Variants in NGEF observed in about 807,000 individuals in gnomAD.
NGEF encodes the protein ephexin-1.
In NGEF, 31 loss-of-function variants were observed where a neutral mutation model predicts 80.9. That is an observed-to-expected ratio of 0.38 (90% CI 0.29 to 0.52). The LOEUF is 0.52. NGEF is among the 20% of genes least tolerant of loss of function. The pLI, the probability that NGEF is intolerant of heterozygous loss-of-function variation, is 0.84. For missense variants in NGEF, 709 were observed against 926.2 expected (o/e 0.77, Z 3.04); for synonymous variants, 371 against 370.2 (o/e 1.00, Z -0.03).
chr2:232,889,539 A>G (rs1039176015), intron 8 of NGEF, among the ~76,000 whole-genome samples: 2 of 152,220 alleles, frequency 1.3e-5, no homozygotes, highest in African/African-American at 4.8e-5. Flanking sequence ...TAAGGTTTTA[A>G]TATATTCATA....
intron 1 of NGEF, among the ~76,000 whole-genome samples, chr2:232,975,866 T>C (rs1031674070): frequency 1.3e-5 from 2 of 152,128 alleles, no homozygotes; most frequent in Non-Finnish European, 2.9e-5. Flanking sequence ...TATGAGCATA[T>C]ACATTTTTCT....
rs1362496589 is a variant in NGEF at position 232,995,065 on chromosome 2, ATGTATAC to A, written c.-75+17996_-75+18002del. ...TATGTATACTGTATATATGTACAGT[ATGTATAC>A]TGTATATGTGTACAGTATGTATATG... On this transcript the variant is annotated intron_variant, in intron 1 of 14. Coordinates refer to ENST00000264051, the MANE Select transcript of NGEF (RefSeq NM_019850.3). Among the ~76,000 whole-genome samples, 3 of 125,246 alleles carry A rather than the reference ATGTATAC, an allele frequency of 2.4e-5. 1 individual carries two copies. The highest frequency in any genetic ancestry group is 1.5e-4 in the Admixed American group (2 of 13,084). 82.2% of individuals were successfully genotyped at this position (125,246 alleles called of 152,430 possible). A position where few individuals can be genotyped will look rare whatever the true frequency, so the allele number is the denominator to read the frequency against.
intron 13 of NGEF, 55 bp from the exon 14 acceptor site, chr2:232,881,305 C>T: frequency 7.1e-7 from 1 of 1,407,976 alleles, no homozygotes; most frequent in South Asian, 1.2e-5. Flanking sequence ...CACCTGCACA[C>T]TCCCACCAAG....
intron 3 of NGEF, among the ~76,000 whole-genome samples, chr2:232,957,718 C>T (rs1388171127): frequency 6.6e-6 from 1 of 152,210 alleles, no homozygotes; most frequent in African/African-American, 2.4e-5. Context: ...ATGCAAGTTT[C>T]TGCACCTGTC....
At chr2:232,943,555 G>C (rs531474891) in intron 3 of NGEF, among the ~76,000 whole-genome samples, 10 of 123,260 alleles carry the variant, frequency 8.1e-5, no homozygotes, top group African/African-American at 2.8e-4. Flanking sequence ...GAGTGCAGTG[G>C]CGCGATCTCG....
At chr2:232,932,165 T>TTTTTC (rs1693227965) in intron 3 of NGEF, among the ~76,000 whole-genome samples, 2 of 142,682 alleles carry the variant, frequency 1.4e-5, no homozygotes, top group Non-Finnish European at 3.0e-5. Context: ...TCACCTTTCT[T>TTTTTC]TTTTTTTTTT....
intron 3 of NGEF, among the ~76,000 whole-genome samples, chr2:232,939,991 C>A (rs1415449373): frequency 7.0e-6 from 1 of 142,120 alleles, no homozygotes; most frequent in Non-Finnish European, 1.6e-5. Flanking sequence ...AGTGGGACTC[C>A]ATCTTAAAAA....
chr2:232,888,544 C>T (rs1477167315), intron 8 of NGEF, among the ~76,000 whole-genome samples: 3 of 96,234 alleles, frequency 3.1e-5, no homozygotes, highest in Non-Finnish European at 6.6e-5. Context: ...CATGCATGCA[C>T]ATACATGCAT....
chr2:232,996,221 G>A (rs189840316), intron 1 of NGEF, among the ~76,000 whole-genome samples: 2 of 152,122 alleles, frequency 1.3e-5, no homozygotes, highest in East Asian at 1.9e-4. Flanking sequence ...CCAGCTACTC[G>A]GGAGGCTGAG....
chr2:232,917,540 G>C (rs562022177), intron 5 of NGEF, among the ~76,000 whole-genome samples: 1 of 151,818 alleles, frequency 6.6e-6, no homozygotes, highest in African/African-American at 2.4e-5. Context: ...TGAGATCTTG[G>C]CTTACTGAAA....
Position 232,955,691 on chromosome 2 carries a change from G to A in NGEF, c.383+14523C>T, listed in dbSNP as rs529876894. Among the ~76,000 whole-genome samples, 64 of 152,186 alleles carry A rather than the reference G, an allele frequency of 4.2e-4. 1 individual carries two copies. In the South Asian group the frequency reaches 0.012, roughly 29 times the overall value. On this transcript the variant is annotated intron_variant, in intron 3 of 14. Transcript: ENST00000264051. ...GTGCCACCACATCTGGCTAATTTTT[G>A]TACTTGTAGTAGAGACGGGGTTTCA...
intron 4 of NGEF, among the ~76,000 whole-genome samples, chr2:232,921,562 C>G (rs917480306): frequency 6.6e-6 from 1 of 152,170 alleles, no homozygotes; most frequent in Non-Finnish European, 1.5e-5. Context: ...AGTGATTCCC[C>G]TGCCTCAGCT....
intron 5 of NGEF, among the ~76,000 whole-genome samples, chr2:232,901,109 G>A (rs752380184): frequency 1.3e-5 from 2 of 152,210 alleles, no homozygotes; most frequent in South Asian, 2.1e-4. Context: ...GGAGAAAGGC[G>A]GAAGCTTTAC....
chr2:232,883,269 G>A, intron 12 of NGEF, 42 bp downstream of exon 12: 1 of 1,544,766 alleles, frequency 6.5e-7, no homozygotes, highest in Non-Finnish European at 8.8e-7. Context: ...ACACAGAAAG[G>A]TGCCACGGGT....
intron 3 of NGEF, 80 bp from the exon 4 acceptor site, chr2:232,927,266 A>T: frequency 6.9e-7 from 1 of 1,442,902 alleles, no homozygotes; most frequent in Non-Finnish European, 9.2e-7. Context: ...GGGCGTGCGC[A>T]CAGGCGGCTG....
In NGEF at chr2:232,892,994, C is replaced by T. The variant is rs1691931447; in HGVS notation, c.1046G>A (p.Cys349Tyr). The T allele has an allele frequency of 6.2e-7, 1 of 1,613,348 alleles. No individual in the cohort carries two copies. The highest frequency in any genetic ancestry group is 1.3e-5 in the African/African-American group (1 of 74,930). The change falls in exon 7 of 15, where the codon TGT becomes TAT. Residue 349 changes from cysteine (C) to tyrosine (Y), a missense_variant. Around this residue, in one of 2 missense-constraint regions of NGEF, gnomAD observed 426 missense variants for 622.9 expected, o/e 0.68. Transcript: ENST00000264051. This position sits in a 1 kb window ranked among gnomAD's most constrained non-coding sequence, Gnocchi z 4.0. Reference protein sequence around the residue: ...MEENIVISDVCDIVYRYAADH... With the variant: ...MEENIVISDVYDIVYRYAADH... Reference sequence around the variant, plus strand: ...GGCCGCATAACGGTACACAATGTCACACACGTCAGAGATGACGATGTTCTC... The same window carrying T: ...GGCCGCATAACGGTACACAATGTCATACACGTCAGAGATGACGATGTTCTC...
chr2:233,006,843 A>G (rs1695094350), intron 1 of NGEF, among the ~76,000 whole-genome samples: 1 of 152,150 alleles, frequency 6.6e-6, no homozygotes, highest in Admixed American at 6.5e-5. Context: ...ATCCGAGGTC[A>G]CACAGCTAGC....
chr2:232,918,657 CGGA>C, intron 5 of NGEF, among the ~76,000 whole-genome samples: 1 of 121,340 alleles, frequency 8.2e-6, no homozygotes, highest in African/African-American at 3.0e-5. Flanking sequence ...TTTTTTTAGA[CGGA>C]GTCTTGATTT....
At chr2:232,931,300 C>T (rs1318685917) in intron 3 of NGEF, among the ~76,000 whole-genome samples, 1 of 152,198 alleles carries the variant, frequency 6.6e-6, no homozygotes, top group East Asian at 1.9e-4. Flanking sequence ...TACTCTGTGC[C>T]TCTCCGTTAT....
Sources: allele counts gnomAD v4.1 joint callset (sites outside exome capture counted in the v4.1 genomes callset), GRCh38; gene constraint gnomAD v4.1.1; regional missense constraint gnomAD v4.1.1; non-coding constraint Gnocchi (gnomAD v3.1); transcripts MANE v1.5; gene names NCBI Gene and HGNC (gene_info 2026-07-23, HGNC 2026-07-21).